Variants in CAST observed in about 807,000 individuals in gnomAD.
CAST encodes MIR583 host.
In CAST, 76 loss-of-function variants were observed where a neutral mutation model predicts 119.6. That is an observed-to-expected ratio of 0.64 (90% CI 0.53 to 0.77). The LOEUF (loss-of-function observed/expected upper bound fraction) is 0.77. Ranked by LOEUF, CAST falls within the 30% of genes least tolerant of loss-of-function variation. The probability of loss-of-function intolerance (pLI) is 0.00; values close to 1 mark genes in which losing one functional copy is unlikely to be tolerated. For synonymous variants in CAST, 319 were observed against 331.6 expected, an observed-to-expected ratio of 0.96 and a Z score of 0.41; for missense variants, 953 against 946.5, an observed-to-expected ratio of 1.01 and a Z score of -0.09.
the CAST span, among the ~76,000 whole-genome samples, chr5:96,116,711 ATCATTTGCATATTGT>A: frequency 2.0e-5 from 3 of 152,224 alleles, no homozygotes; most frequent in African/African-American, 7.2e-5. Context: ...TTTGCATATC[ATCATTTGCATATTGT>A]TCATTTGCAT....
the CAST span, among the ~76,000 whole-genome samples, chr5:95,970,768 C>G: frequency 6.6e-6 from 1 of 152,210 alleles, no homozygotes; most frequent in Non-Finnish European, 1.5e-5. Context: ...GAGAACTGCT[C>G]TCTGTTTCTG....
intron 1 of CAST, among the ~76,000 whole-genome samples, chr5:96,586,253 C>T (rs1746857638): frequency 6.6e-6 from 1 of 152,138 alleles, no homozygotes; most frequent in Non-Finnish European, 1.5e-5. Context: ...TTGTGAATGG[C>T]TCCTTTTTTT....
the CAST span, among the ~76,000 whole-genome samples, chr5:95,966,573 TA>T: frequency 9.4e-5 from 14 of 149,064 alleles, no homozygotes; most frequent in Non-Finnish European, 1.5e-4. Flanking sequence ...TCTGGTTATT[TA>T]AAAAAAAAAA....
the CAST span, among the ~76,000 whole-genome samples, chr5:96,089,325 A>C: frequency 2.9e-4 from 44 of 152,316 alleles, no homozygotes; most frequent in Non-Finnish European, 5.1e-4. Flanking sequence ...TAAAATGCAC[A>C]TACTCTTGAG....
the CAST span, among the ~76,000 whole-genome samples, chr5:96,323,390 G>T: frequency 1.3e-5 from 2 of 152,192 alleles, no homozygotes; most frequent in Non-Finnish European, 2.9e-5. Context: ...TGAGGTGAAT[G>T]CTTTATGTTG....
At chr5:96,349,142 T>G in the CAST span, among the ~76,000 whole-genome samples, 1 of 144,118 alleles carries the variant, frequency 6.9e-6, no homozygotes, top group African/African-American at 2.6e-5. Context: ...GGACACTATT[T>G]TTTTTTTTTT....
chr5:96,643,184 C>T (rs904347541), intron 1 of CAST, among the ~76,000 whole-genome samples: 7 of 152,200 alleles, frequency 4.6e-5, no homozygotes, highest in African/African-American at 1.4e-4. Flanking sequence ...GAGTAGGGCA[C>T]TGAGATTATA....
chr5:96,246,872 A>G, the CAST span, among the ~76,000 whole-genome samples: 383 of 152,350 alleles, frequency 2.5e-3, 1 homozygote, highest in South Asian at 0.016. Flanking sequence ...GAGGTTCTAG[A>G]AAACGGGAAT....
chr5:96,239,145 A>C, the CAST span, among the ~76,000 whole-genome samples: 12 of 152,138 alleles, frequency 7.9e-5, no homozygotes, highest in Non-Finnish European at 1.0e-4. Context: ...TGTTTTTAAA[A>C]TTTTAATTTT....
chr5:96,035,889 G>A, the CAST span, among the ~76,000 whole-genome samples: 1 of 151,942 alleles, frequency 6.6e-6, no homozygotes, highest in Non-Finnish European at 1.5e-5. Context: ...TAATATGGAA[G>A]TGGCTTCCCC....
the CAST span, among the ~76,000 whole-genome samples, chr5:96,255,892 GT>G: frequency 6.6e-6 from 1 of 152,084 alleles, no homozygotes; most frequent in Non-Finnish European, 1.5e-5. Flanking sequence ...CAAATCTGGT[GT>G]TCTGTGCTAT....
chr5:96,099,006 T>C, the CAST span, among the ~76,000 whole-genome samples: 1 of 152,222 alleles, frequency 6.6e-6, no homozygotes, highest in Non-Finnish European at 1.5e-5. Context: ...GTTTGAGCAG[T>C]GGTTTGTAGT....
the CAST span, among the ~76,000 whole-genome samples, chr5:96,128,759 G>A: frequency 1.3e-5 from 2 of 152,028 alleles, no homozygotes; most frequent in Admixed American, 6.6e-5. Flanking sequence ...TAATTATCTT[G>A]CAGAACCCCA....
chr5:96,481,049 C>G, the CAST span, among the ~76,000 whole-genome samples: 1 of 151,936 alleles, frequency 6.6e-6, no homozygotes, highest in Non-Finnish European at 1.5e-5. Context: ...ATTTCACACT[C>G]TTCTCAGGAG....
At chr5:96,174,377 T>C in the CAST span, among the ~76,000 whole-genome samples, 1 of 152,230 alleles carries the variant, frequency 6.6e-6, no homozygotes, top group Non-Finnish European at 1.5e-5. Context: ...TAGACAGATA[T>C]TTGTTGAGTA....
At chr5:96,400,321 C>T in the CAST span, 1 of 700,380 alleles carries the variant, frequency 1.4e-6, no homozygotes, top group Non-Finnish European at 2.6e-6. Context: ...ATTCTAGTGT[C>T]TATTACTGTT....
intron 15 of CAST, chr5:96,741,834 C>T: frequency 2.7e-6 from 1 of 364,828 alleles, no homozygotes; most frequent in Non-Finnish European, 5.1e-6. Context: ...CATTATGATA[C>T]ACAGAAGGGC....
chr5:96,197,396 A>G, the CAST span, among the ~76,000 whole-genome samples: 9 of 152,260 alleles, frequency 5.9e-5, no homozygotes, highest in South Asian at 1.0e-3. Flanking sequence ...TGAGGGGTTT[A>G]TTTTTGTTGT....
chr5:96,311,053 G>A, the CAST span, among the ~76,000 whole-genome samples: 3 of 151,746 alleles, frequency 2.0e-5, no homozygotes, highest in Non-Finnish European at 4.4e-5. Context: ...CTTTTATGAT[G>A]TAGGCATTTA....
Sources: gnomAD v4.1 joint callset for allele counts (sites outside exome capture counted in the v4.1 genomes callset) on GRCh38, gnomAD v4.1.1 for gene constraint, MANE v1.5 for transcripts, NCBI Gene and HGNC (gene_info 2026-07-23, HGNC 2026-07-21) for gene names.